CCSER1: variants seen among roughly 807,000 people sequenced by gnomAD.
CCSER1 encodes serine-rich coiled-coil domain-containing protein 1.
In CCSER1, 41 loss-of-function variants were observed where a neutral mutation model predicts 82.0. The observed-to-expected ratio is 0.50, with a 90% confidence interval of 0.39 to 0.65. The LOEUF (loss-of-function observed/expected upper bound fraction) is 0.65. Ranked by LOEUF, CCSER1 falls within the 30% of genes least tolerant of loss-of-function variation. CCSER1 has a pLI of 0.00. For missense variants in CCSER1, 1,119 were observed against 1,064.2 expected, an observed-to-expected ratio of 1.05 and a Z score of -0.72; for synonymous variants, 414 against 383.9, an observed-to-expected ratio of 1.08 and a Z score of -0.92.
intron 3 of CCSER1, among the ~76,000 whole-genome samples, chr4:90,321,285 C>T (rs1561023888): frequency 6.6e-6 from 1 of 152,042 alleles, no homozygotes; most frequent in Admixed American, 6.6e-5. Context: ...TAATTTTTAG[C>T]TCCTGTATAT....
At chr4:91,509,154 CT>C (rs1169851564) in intron 10 of CCSER1, among the ~76,000 whole-genome samples, 9 of 150,560 alleles carry the variant, frequency 6.0e-5, no homozygotes, top group Non-Finnish European at 1.0e-4. Flanking sequence ...GTTTTATGTT[CT>C]TTTTTTTAGC....
intron 3 of CCSER1, among the ~76,000 whole-genome samples, chr4:90,316,431 T>A (rs1736176999): frequency 6.6e-6 from 1 of 152,236 alleles, no homozygotes; most frequent in Non-Finnish European, 1.5e-5. Context: ...TGCAGCATTC[T>A]GTAAGAGATA....
At chr4:90,331,997 C>T (rs1325069472) in intron 3 of CCSER1, among the ~76,000 whole-genome samples, 1 of 151,918 alleles carries the variant, frequency 6.6e-6, no homozygotes, top group Admixed American at 6.6e-5. Context: ...TCTGCCTCTT[C>T]TTAGTGTCAA....
chr4:91,490,944 A>G (rs1292806618), intron 10 of CCSER1, among the ~76,000 whole-genome samples: 1 of 101,062 alleles, frequency 9.9e-6, no homozygotes, highest in African/African-American at 3.6e-5. Context: ...TGCGTCTACT[A>G]TGTACCCATA....
chr4:90,280,293 C>G (rs1364429204), intron 1 of CCSER1, among the ~76,000 whole-genome samples: 2 of 152,012 alleles, frequency 1.3e-5, no homozygotes, highest in East Asian at 3.9e-4. Context: ...TTTCCCTGAA[C>G]AAATCATGAA....
intron 6 of CCSER1, among the ~76,000 whole-genome samples, chr4:90,661,963 G>A (rs1044836431): frequency 1.3e-5 from 2 of 150,976 alleles, no homozygotes; most frequent in Non-Finnish European, 3.0e-5. Context: ...GTAAGGACTG[G>A]CTTGTTTGTC....
At chr4:90,513,304 G>A (rs1771815368) in intron 5 of CCSER1, among the ~76,000 whole-genome samples, 1 of 152,156 alleles carries the variant, frequency 6.6e-6, no homozygotes, top group African/African-American at 2.4e-5. Flanking sequence ...TTTATGCTGT[G>A]CAAAGAGGGA....
intron 6 of CCSER1, among the ~76,000 whole-genome samples, chr4:90,714,275 T>G (rs2149338511): frequency 6.6e-6 from 1 of 152,178 alleles, no homozygotes; most frequent in Middle Eastern, 3.4e-3. Flanking sequence ...TAGTTTGTAC[T>G]TTTAATACTT....
chr4:90,291,038 T>TTA, intron 1 of CCSER1, among the ~76,000 whole-genome samples: 2 of 133,468 alleles, frequency 1.5e-5, no homozygotes, highest in African/African-American at 3.9e-5. Context: ...AATAATTATA[T>TTA]TCCTTAAAAA....
intron 5 of CCSER1, among the ~76,000 whole-genome samples, chr4:90,620,457 A>G (rs918816577): frequency 6.6e-6 from 1 of 152,194 alleles, no homozygotes; most frequent in African/African-American, 2.4e-5. Flanking sequence ...TTATATGAGT[A>G]TTACATAGAA....
At chr4:90,801,570 A>G (rs1756813148) in intron 7 of CCSER1, among the ~76,000 whole-genome samples, 2 of 152,194 alleles carry the variant, frequency 1.3e-5, no homozygotes, top group South Asian at 4.1e-4. Flanking sequence ...CACTGTATCA[A>G]GAGACAATGC....
At chr4:91,065,295 T>C (rs1437087386) in intron 9 of CCSER1, among the ~76,000 whole-genome samples, 1 of 152,146 alleles carries the variant, frequency 6.6e-6, no homozygotes, top group Admixed American at 6.5e-5. Context: ...TGGGAACAAA[T>C]ACAGGAAGCT....
At chr4:91,189,867 TGA>T (rs895693859) in intron 10 of CCSER1, among the ~76,000 whole-genome samples, 26 of 152,212 alleles carry the variant, frequency 1.7e-4, no homozygotes, top group African/African-American at 6.3e-4. Flanking sequence ...TTGAGAGATT[TGA>T]GTTTATAAAT....
At chr4:91,028,681 T>C (rs1740706123) in intron 9 of CCSER1, among the ~76,000 whole-genome samples, 1 of 151,236 alleles carries the variant, frequency 6.6e-6, no homozygotes, top group African/African-American at 2.4e-5. Context: ...TTAGAGCTTG[T>C]TAACAGTTCC....
chr4:90,739,908 A>T (rs1746269148), intron 7 of CCSER1, among the ~76,000 whole-genome samples: 1 of 152,158 alleles, frequency 6.6e-6, no homozygotes, highest in South Asian at 2.1e-4. Flanking sequence ...TTTACTCGAT[A>T]TGATGTTAAA....
intron 9 of CCSER1, among the ~76,000 whole-genome samples, chr4:90,956,807 T>C (rs1455346787): frequency 6.6e-6 from 1 of 151,020 alleles, no homozygotes; most frequent in Non-Finnish European, 1.5e-5. Flanking sequence ...ATTTTAACTC[T>C]GTCACCCAGG....
At chr4:91,249,790 A>C (rs557283188) in intron 10 of CCSER1, among the ~76,000 whole-genome samples, 1 of 152,084 alleles carries the variant, frequency 6.6e-6, no homozygotes, top group Non-Finnish European at 1.5e-5. Context: ...GGTATCAGAT[A>C]CTCAATATGC....
At chr4:90,188,385 T>C (rs1489905203) in intron 1 of CCSER1, among the ~76,000 whole-genome samples, 2 of 151,984 alleles carry the variant, frequency 1.3e-5, no homozygotes, top group African/African-American at 4.8e-5. Context: ...ATGTAGCTTC[T>C]ATCATTGTAG....
chr4:90,198,052 C>T (rs114466869), intron 1 of CCSER1, among the ~76,000 whole-genome samples: 3,074 of 152,202 alleles, frequency 0.02, 105 homozygotes, highest in African/African-American at 0.071. Flanking sequence ...TAAACATATA[C>T]ACCTATTATG....
Sources: allele counts gnomAD v4.1 joint callset (sites outside exome capture counted in the v4.1 genomes callset), GRCh38; gene constraint gnomAD v4.1.1; transcripts MANE v1.5; gene names NCBI Gene and HGNC (gene_info 2026-07-23, HGNC 2026-07-21).